LNP1: variants seen among roughly 807,000 people sequenced by gnomAD.
The protein encoded by LNP1 is leukemia NUP98 fusion partner 1.
Under a neutral mutation model 14.5 loss-of-function variants are expected in LNP1, and 12 were observed. The observed-to-expected ratio is 0.83, with a 90% CI of 0.53 to 1.34. The LOEUF (loss-of-function observed/expected upper bound fraction) is 1.34, where lower values mean the gene tolerates loss of function less well. Ranked by LOEUF, LNP1 falls within the 40% of genes most tolerant of loss-of-function variation. The pLI is 0.00. For synonymous variants in LNP1, 75 were observed against 71.4 expected (o/e 1.05, Z -0.26); for missense variants, 198 against 210.9 (o/e 0.94, Z 0.38).
intron 2 of LNP1, among the ~76,000 whole-genome samples, chr3:100,441,235 A>G (rs1256988600): frequency 6.6e-6 from 1 of 152,250 alleles, no homozygotes; most frequent in East Asian, 1.9e-4. Flanking sequence ...GCTCCTGTGG[A>G]TAACAGAGTT....
At chr3:100,452,458 C>T (rs548170608) in intron 3 of LNP1, among the ~76,000 whole-genome samples, 5 of 151,992 alleles carry the variant, frequency 3.3e-5, no homozygotes, top group Admixed American at 6.6e-5. Flanking sequence ...GCTCCTGCCT[C>T]GGGGTCCCAA....
intron 3 of LNP1, among the ~76,000 whole-genome samples, chr3:100,454,364 T>C (rs1383320055): frequency 6.6e-6 from 1 of 152,180 alleles, no homozygotes; most frequent in Non-Finnish European, 1.5e-5. Context: ...CATATACAGA[T>C]ACACTTCAAC....
intron 2 of LNP1, among the ~76,000 whole-genome samples, chr3:100,437,260 C>T (rs537045570): frequency 6.6e-6 from 1 of 152,232 alleles, no homozygotes; most frequent in South Asian, 2.1e-4. Context: ...ACTGCAGCTT[C>T]GGGATGAGTA....
chr3:100,446,475 T>C (rs550205659), intron 2 of LNP1, among the ~76,000 whole-genome samples: 2 of 152,176 alleles, frequency 1.3e-5, no homozygotes, highest in Non-Finnish European at 2.9e-5. Flanking sequence ...ACTTAAATAT[T>C]AGACCTAAAA....
intron 1 of LNP1, among the ~76,000 whole-genome samples, chr3:100,406,305 A>G (rs147902164): frequency 6.6e-6 from 1 of 152,030 alleles, no homozygotes; most frequent in East Asian, 1.9e-4. Flanking sequence ...AAAACCTCTC[A>G]GGTGTACACT....
chr3:100,437,550 C>T (rs1264343220), intron 2 of LNP1, among the ~76,000 whole-genome samples: 1 of 152,134 alleles, frequency 6.6e-6, no homozygotes, highest in East Asian at 1.9e-4. Context: ...CTAAGCTTAT[C>T]TTTATTATTT....
Position 100,455,918 on chromosome 3 carries a change from C to A in LNP1, c.529C>A (p.Pro177Thr). Residue 177 changes from proline (P) to threonine (T), a missense_variant, in exon 4 of 4, where the codon CCT becomes ACT. Transcript: ENST00000383693. ...AHMAPLFEKG[P>T]E ...CATGGCTCCCCTGTTTGAAAAAGGG[C>A]CTGAATAATACTCTGCTTCTGCCTC... The A allele has an allele frequency of 6.2e-7, 1 of 1,611,306 alleles. No homozygotes were observed. The highest frequency in any genetic ancestry group is 8.5e-7 in the Non-Finnish European group (1 of 1,179,366).
chr3:100,409,561 C>T (rs1321787120), intron 1 of LNP1, among the ~76,000 whole-genome samples: 1,016 of 53,770 alleles, frequency 0.019, 15 homozygotes, highest in African/African-American at 0.074. Flanking sequence ...TATACATACA[C>T]ACACACACAC....
At chr3:100,409,494 T>G (rs1023429494) in intron 1 of LNP1, among the ~76,000 whole-genome samples, 1 of 148,794 alleles carries the variant, frequency 6.7e-6, no homozygotes, top group African/African-American at 2.5e-5. Flanking sequence ...AATACAAAAA[T>G]TAGCTGGGTG....
chr3:100,409,613 T>A lies in LNP1; in HGVS notation c.-34+7174T>A, dbSNP rs1278506668. Reference sequence around the variant, plus strand: ...ACACATATATATATATATATTTTTTTTTTTTTTGAGTCTCACTCTTATAGC... The same window carrying A: ...ACACATATATATATATATATTTTTTATTTTTTTGAGTCTCACTCTTATAGC... On this transcript the variant is annotated intron_variant, in intron 1 of 3. Coordinates refer to ENST00000383693, the MANE Select transcript of LNP1 (RefSeq NM_001085451.2). Among the ~76,000 whole-genome samples the A allele has an allele frequency of 9.0e-3, 1,345 of 149,066 alleles. 23 individuals are homozygous for A. Among genetic ancestry groups the A allele is most frequent in the African/African-American group, 0.032 (1,294 of 40,750 alleles).
rs1429516704 is a variant in LNP1, at chr3:100,444,649, A to G, written c.157-7070A>G. On this transcript the variant is annotated intron_variant, in intron 2 of 3. Coordinates refer to ENST00000383693, the MANE Select transcript of LNP1 (RefSeq NM_001085451.2). Reference sequence around the variant, plus strand: ...CAAAATAGGATCACAGGTCATTGTGAAATAAGTCATTTCATTTAACCAAAG... The same window carrying G: ...CAAAATAGGATCACAGGTCATTGTGGAATAAGTCATTTCATTTAACCAAAG... Among the ~76,000 whole-genome samples the G allele has an allele frequency of 2.0e-5, 3 of 152,190 alleles. No homozygotes were observed. The East Asian group carries it at 5.8e-4, about 29-fold the overall frequency.
At chr3:100,446,132 G>A (rs1479604809) in intron 2 of LNP1, among the ~76,000 whole-genome samples, 1 of 152,134 alleles carries the variant, frequency 6.6e-6, no homozygotes, top group African/African-American at 2.4e-5. Flanking sequence ...AAAAGAGCCT[G>A]CATTGCCAAG....
At chr3:100,425,216 A>C (rs1707181116) in intron 1 of LNP1, among the ~76,000 whole-genome samples, 1 of 152,238 alleles carries the variant, frequency 6.6e-6, no homozygotes, top group Non-Finnish European at 1.5e-5. Context: ...ACAGGTTAGC[A>C]GAGCCCCCAG....
At chr3:100,428,903 A>G (rs958531797) in intron 1 of LNP1, among the ~76,000 whole-genome samples, 1 of 152,218 alleles carries the variant, frequency 6.6e-6, no homozygotes, top group African/African-American at 2.4e-5. Context: ...TTCAAAAACA[A>G]GCAAATTAAT....
At chr3:100,442,110 A>T (rs1464270720) in intron 2 of LNP1, among the ~76,000 whole-genome samples, 3 of 152,214 alleles carry the variant, frequency 2.0e-5, no homozygotes, top group African/African-American at 2.4e-5. Flanking sequence ...CCATTAAAAA[A>T]TTTTAAAAAT....
At chr3:100,423,037 A>G (rs1304325514) in intron 1 of LNP1, among the ~76,000 whole-genome samples, 1 of 152,074 alleles carries the variant, frequency 6.6e-6, no homozygotes, top group African/African-American at 2.4e-5. Flanking sequence ...TTATACTATG[A>G]CACGTTGCCA....
chr3:100,444,144 A>C (rs1040127754), intron 2 of LNP1, among the ~76,000 whole-genome samples: 1 of 152,182 alleles, frequency 6.6e-6, no homozygotes, highest in South Asian at 2.1e-4. Context: ...ACTGTCTCCA[A>C]AGTTATCAGA....
At chr3:100,439,602 T>C (rs887236867) in intron 2 of LNP1, among the ~76,000 whole-genome samples, 1 of 152,186 alleles carries the variant, frequency 6.6e-6, no homozygotes, top group Non-Finnish European at 1.5e-5. Context: ...ATACTTCTCC[T>C]CTACCCCCCT....
intron 2 of LNP1, among the ~76,000 whole-genome samples, chr3:100,437,146 C>G (rs1287314715): frequency 1.3e-5 from 2 of 152,190 alleles, no homozygotes; most frequent in Admixed American, 1.3e-4. Context: ...CATCACCAGA[C>G]AGTGGAGAGC....
Sources: allele counts gnomAD v4.1 joint callset (sites outside exome capture counted in the v4.1 genomes callset), GRCh38; gene constraint gnomAD v4.1.1; transcripts MANE v1.5; gene names NCBI Gene and HGNC (gene_info 2026-07-23, HGNC 2026-07-21).